GPC6: variants seen among roughly 807,000 people sequenced by gnomAD.
GPC6 encodes the protein glypican 6, also known as glypican-6.
Under a neutral mutation model 55.2 loss-of-function variants are expected in GPC6, and 14 were observed. That is an observed-to-expected ratio of 0.25 (90% CI 0.17 to 0.40). The LOEUF (loss-of-function observed/expected upper bound fraction) is 0.40, where lower values mean the gene tolerates loss of function less well. Among genes scored for constraint, GPC6 ranks in the 10% least tolerant of loss-of-function variants. The probability of loss-of-function intolerance (pLI) is 1.00; values close to 1 mark genes in which losing one functional copy is unlikely to be tolerated. For missense variants in GPC6, 641 were observed against 708.5 expected (o/e 0.90, Z 1.08); for synonymous variants, 278 against 259.6 (o/e 1.07, Z -0.68).
At chr13:93,819,473 A>G (rs560656599) in intron 2 of GPC6, among the ~76,000 whole-genome samples, 1 of 152,324 alleles carries the variant, frequency 6.6e-6, no homozygotes, top group East Asian at 1.9e-4. Context: ...TACTGTTAAT[A>G]CAGTTATATA....
chr13:93,440,644 T>C (rs1877755639), intron 1 of GPC6, among the ~76,000 whole-genome samples: 2 of 152,132 alleles, frequency 1.3e-5, no homozygotes, highest in South Asian at 4.1e-4. Context: ...TTTATTCATT[T>C]ATTTATTTTT....
intron 2 of GPC6, among the ~76,000 whole-genome samples, chr13:93,634,424 A>G (rs1879607306): frequency 6.6e-6 from 1 of 152,170 alleles, no homozygotes; most frequent in Non-Finnish European, 1.5e-5. Context: ...TTAGGTTTTT[A>G]CTGTAATCAC....
At chr13:93,350,936 C>T (rs1880610370) in intron 1 of GPC6, among the ~76,000 whole-genome samples, 1 of 152,100 alleles carries the variant, frequency 6.6e-6, no homozygotes, top group East Asian at 1.9e-4. Context: ...CACACATACA[C>T]ACAGACAAAA....
chr13:93,467,167 G>T (rs562357342), intron 1 of GPC6, among the ~76,000 whole-genome samples: 49 of 152,164 alleles, frequency 3.2e-4, no homozygotes, highest in African/African-American at 1.2e-3. Context: ...ATAATAATTT[G>T]ACCTTTAGTT....
At chr13:94,225,399 A>G (rs562842913) in intron 4 of GPC6, among the ~76,000 whole-genome samples, 18 of 152,128 alleles carry the variant, frequency 1.2e-4, no homozygotes, top group African/African-American at 3.6e-4. Context: ...TCTTTCTTCA[A>G]TGTTGGCAGA....
chr13:93,795,205 C>G (rs534686945), intron 2 of GPC6, among the ~76,000 whole-genome samples: 55 of 152,212 alleles, frequency 3.6e-4, no homozygotes, highest in African/African-American at 1.2e-3. Flanking sequence ...AAAAAAAGAT[C>G]GTGGGGAGAT....
intron 3 of GPC6, among the ~76,000 whole-genome samples, chr13:93,982,307 A>G (rs1880840252): frequency 6.6e-6 from 1 of 152,102 alleles, no homozygotes; most frequent in South Asian, 2.1e-4. Context: ...ATCAGAAAAG[A>G]GAAGACAAAA....
intron 1 of GPC6, among the ~76,000 whole-genome samples, chr13:93,387,172 T>C (rs1457316853): frequency 1.3e-5 from 2 of 151,900 alleles, no homozygotes; most frequent in African/African-American, 4.8e-5. Flanking sequence ...TTTTATTTTA[T>C]TTTACTTTAA....
intron 3 of GPC6, among the ~76,000 whole-genome samples, chr13:93,895,234 G>GTGTGTATATATA (rs1196315147): frequency 1.8e-4 from 20 of 108,204 alleles, no homozygotes; most frequent in Non-Finnish European, 3.4e-4. Context: ...GTGTGTGTGT[G>GTGTGTATATATA]TATATATATA....
intron 1 of GPC6, among the ~76,000 whole-genome samples, chr13:93,280,508 A>G (rs1877913849): frequency 1.3e-5 from 2 of 152,246 alleles, no homozygotes; most frequent in Admixed American, 6.5e-5. Flanking sequence ...ATATATGGAT[A>G]TGGCACTTTT....
At chr13:94,127,968 T>C (rs1295334950) in intron 4 of GPC6, among the ~76,000 whole-genome samples, 1 of 152,272 alleles carries the variant, frequency 6.6e-6, no homozygotes, top group East Asian at 1.9e-4. Flanking sequence ...CAAAGGGAGT[T>C]AGATTGCCTT....
chr13:94,072,523 T>G (rs1884772334), intron 4 of GPC6, among the ~76,000 whole-genome samples: 1 of 152,172 alleles, frequency 6.6e-6, no homozygotes, highest in Admixed American at 6.5e-5. Context: ...CCGGCTAATT[T>G]TTGTATTCTT....
chr13:93,242,428 ACTC>A (rs1876464708), intron 1 of GPC6, among the ~76,000 whole-genome samples: 1 of 151,908 alleles, frequency 6.6e-6, no homozygotes, highest in South Asian at 2.1e-4. Context: ...GCAGGGCTCT[ACTC>A]CTCTTGCAAG....
intron 4 of GPC6, among the ~76,000 whole-genome samples, chr13:94,031,032 G>T (rs1883104562): frequency 6.6e-6 from 1 of 151,950 alleles, no homozygotes; most frequent in South Asian, 2.1e-4. Context: ...GTGCATGCAT[G>T]CGTGTGTGCG....
At chr13:94,175,152 T>C (rs907439178) in intron 4 of GPC6, among the ~76,000 whole-genome samples, 1 of 152,186 alleles carries the variant, frequency 6.6e-6, no homozygotes, top group African/African-American at 2.4e-5. Flanking sequence ...ATGAGATTCA[T>C]CTCATGTTCT....
chr13:93,673,875 A>T (rs935053680), intron 2 of GPC6, among the ~76,000 whole-genome samples: 3 of 152,178 alleles, frequency 2.0e-5, no homozygotes, highest in Admixed American at 6.5e-5. Context: ...ATTTGATTAC[A>T]TCATGGACTG....
chr13:94,197,632 C>T (rs1476643628), intron 4 of GPC6, among the ~76,000 whole-genome samples: 1 of 152,202 alleles, frequency 6.6e-6, no homozygotes, highest in Non-Finnish European at 1.5e-5. Context: ...AATTGCCTCC[C>T]TGAAGGCCCT....
intron 3 of GPC6, among the ~76,000 whole-genome samples, chr13:93,969,179 T>G (rs1337835): frequency 0.38 from 57,619 of 151,996 alleles, 11,329 homozygotes; most frequent in East Asian, 0.6. Context: ...TATGGCAGCT[T>G]AGTAGTTTAA....
intron 4 of GPC6, among the ~76,000 whole-genome samples, chr13:94,075,997 T>C (rs973112159): frequency 2.0e-5 from 3 of 152,058 alleles, no homozygotes; most frequent in African/African-American, 7.2e-5. Flanking sequence ...GTTGCTGAAT[T>C]ATATGTTAGT....
Sources: allele counts gnomAD v4.1 joint callset (sites outside exome capture counted in the v4.1 genomes callset), GRCh38; gene constraint gnomAD v4.1.1; transcripts MANE v1.5; gene names NCBI Gene and HGNC (gene_info 2026-07-23, HGNC 2026-07-21).